ZFAND3: variants seen among roughly 807,000 people sequenced by gnomAD.
ZFAND3 encodes the protein AN1-type zinc finger protein 3.
A neutral mutation model predicts 29.6 loss-of-function variants in ZFAND3; 10 were observed. The observed-to-expected ratio is 0.34, with a 90% CI of 0.21 to 0.57. The LOEUF is 0.57. ZFAND3 is among the 20% of genes least tolerant of loss of function. The pLI is 0.86. For missense variants in ZFAND3, 230 were observed against 304.5 expected, an observed-to-expected ratio of 0.76 and a Z score of 1.82; for synonymous variants, 128 against 112.6, an observed-to-expected ratio of 1.14 and a Z score of -0.87.
At chr6:38,000,627 A>G (rs1266871466) in intron 2 of ZFAND3, among the ~76,000 whole-genome samples, 1 of 152,156 alleles carries the variant, frequency 6.6e-6, no homozygotes, top group East Asian at 1.9e-4. Context: ...ACCTGCCCCC[A>G]TGATTCAGTT....
At chr6:38,031,573 T>G (rs1022015165) in intron 2 of ZFAND3, among the ~76,000 whole-genome samples, 2 of 152,314 alleles carry the variant, frequency 1.3e-5, no homozygotes, top group Middle Eastern at 3.4e-3. Flanking sequence ...TGGAGTCCAG[T>G]AGACTTGAGT....
At chr6:38,047,638 T>G (rs1190241796) in intron 2 of ZFAND3, among the ~76,000 whole-genome samples, 1 of 152,190 alleles carries the variant, frequency 6.6e-6, no homozygotes, top group Admixed American at 6.5e-5. Flanking sequence ...TTTTAGCCAA[T>G]AAAATGTTAA....
intron 2 of ZFAND3, among the ~76,000 whole-genome samples, chr6:38,023,602 C>CT (rs1267631121): frequency 6.6e-6 from 1 of 152,006 alleles, no homozygotes; most frequent in South Asian, 2.1e-4. Context: ...TGTAATCTGA[C>CT]TTTTTGGCAT....
At chr6:37,857,260 GTTT>G (rs1764401335) in intron 1 of ZFAND3, among the ~76,000 whole-genome samples, 1 of 152,154 alleles carries the variant, frequency 6.6e-6, no homozygotes, top group African/African-American at 2.4e-5. Context: ...TAAATATTAT[GTTT>G]ATCAACACAA....
intron 5 of ZFAND3, among the ~76,000 whole-genome samples, chr6:38,144,221 A>ATTTTTT (rs1562016174): frequency 2.9e-5 from 2 of 70,048 alleles, no homozygotes; most frequent in East Asian, 7.7e-4. Flanking sequence ...AATATATAAT[A>ATTTTTT]TATATATATA....
intron 4 of ZFAND3, among the ~76,000 whole-genome samples, chr6:38,101,642 T>C (rs1765094858): frequency 6.6e-6 from 1 of 151,444 alleles, no homozygotes; most frequent in Non-Finnish European, 1.5e-5. Context: ...GGCATGGTGG[T>C]GGGCACCTGT....
At chr6:38,116,491 G>GA in intron 4 of ZFAND3, 81 bp from the exon 5 acceptor site, 1 of 1,494,776 alleles carries the variant, frequency 6.7e-7, no homozygotes, top group South Asian at 1.3e-5. Context: ...CTGGTCAGGA[G>GA]AATGCCTGGA....
At chr6:37,821,130 T>C (rs1392354408) in intron 1 of ZFAND3, among the ~76,000 whole-genome samples, 5 of 152,254 alleles carry the variant, frequency 3.3e-5, no homozygotes, top group African/African-American at 1.2e-4. Flanking sequence ...GGAAGTAGTT[T>C]TCCCTTTGCT....
intron 5 of ZFAND3, among the ~76,000 whole-genome samples, chr6:38,129,772 T>C (rs56178553): frequency 0.068 from 10,359 of 151,528 alleles, 425 homozygotes; most frequent in Non-Finnish European, 0.087. Flanking sequence ...AGATTTGTTC[T>C]TTTTATTTAG....
At chr6:38,002,406 T>G (rs1180510234) in intron 2 of ZFAND3, among the ~76,000 whole-genome samples, 5 of 152,024 alleles carry the variant, frequency 3.3e-5, no homozygotes, top group Non-Finnish European at 7.4e-5. Flanking sequence ...AGGCCAGTTA[T>G]GTTGGCTCAC....
chr6:38,012,526 G>A (rs976666981), intron 2 of ZFAND3, among the ~76,000 whole-genome samples: 5 of 151,820 alleles, frequency 3.3e-5, no homozygotes, highest in African/African-American at 4.8e-5. Flanking sequence ...CTACAGGTGC[G>A]TGCCACCACG....
At chr6:37,934,868 A>G (rs1761670018) in intron 2 of ZFAND3, among the ~76,000 whole-genome samples, 1 of 147,592 alleles carries the variant, frequency 6.8e-6, no homozygotes, top group Non-Finnish European at 1.5e-5. Context: ...AAAAAAAGCA[A>G]AAGTTAATCT....
intron 1 of ZFAND3, among the ~76,000 whole-genome samples, chr6:37,890,601 A>T (rs555917693): frequency 5.9e-5 from 9 of 152,360 alleles, no homozygotes; most frequent in Admixed American, 2.0e-4. Flanking sequence ...ATTATTATTA[A>T]TAGTAAGTTT....
intron 2 of ZFAND3, among the ~76,000 whole-genome samples, chr6:37,967,660 T>C (rs1236322987): frequency 6.6e-6 from 1 of 152,222 alleles, no homozygotes; most frequent in Non-Finnish European, 1.5e-5. Flanking sequence ...TACCTCAGGA[T>C]TCATTCTAGT....
intron 2 of ZFAND3, among the ~76,000 whole-genome samples, chr6:38,034,325 A>AT (rs1217963344): frequency 1.3e-5 from 2 of 152,308 alleles, no homozygotes; most frequent in African/African-American, 4.8e-5. Context: ...ATAAGAAAGG[A>AT]TAAAGTCCAT....
intron 2 of ZFAND3, among the ~76,000 whole-genome samples, chr6:37,992,495 G>A (rs539526637): frequency 8.5e-5 from 13 of 152,144 alleles, no homozygotes; most frequent in South Asian, 6.2e-4. Flanking sequence ...ATTTTTCCAC[G>A]TATGCTTTCC....
intron 1 of ZFAND3, among the ~76,000 whole-genome samples, chr6:37,858,027 G>A (rs1247424092): frequency 6.6e-6 from 1 of 152,168 alleles, no homozygotes; most frequent in Non-Finnish European, 1.5e-5. Flanking sequence ...ACTCTTGGTG[G>A]AGAGAGCTTA....
intron 2 of ZFAND3, among the ~76,000 whole-genome samples, chr6:38,052,709 T>TA (rs1201469907): frequency 2.0e-5 from 3 of 152,136 alleles, no homozygotes; most frequent in African/African-American, 4.8e-5. Flanking sequence ...AATATGAGGA[T>TA]AAAAAAATCT....
chr6:38,068,810 T>C (rs1324103420), intron 3 of ZFAND3, among the ~76,000 whole-genome samples: 1 of 152,178 alleles, frequency 6.6e-6, no homozygotes, highest in African/African-American at 2.4e-5. Flanking sequence ...GCTGACTGGA[T>C]TTTCCTTTAA....
Sources: allele counts gnomAD v4.1 joint callset (sites outside exome capture counted in the v4.1 genomes callset), GRCh38; gene constraint gnomAD v4.1.1; transcripts MANE v1.5; gene names NCBI Gene and HGNC (gene_info 2026-07-23, HGNC 2026-07-21).